Variants in PPM1K observed in about 807,000 individuals in gnomAD.
The protein encoded by PPM1K is protein phosphatase Mn(2+)-dependent 1K.
PPM1K carries 19 observed loss-of-function variants against 32.6 expected under a neutral mutation model. The observed-to-expected ratio is 0.58, with a 90% CI of 0.41 to 0.86. PPM1K has a LOEUF of 0.86. PPM1K is among the 40% of genes least tolerant of loss of function. The probability of loss-of-function intolerance (pLI) is 0.00; values close to 1 mark genes in which losing one functional copy is unlikely to be tolerated. For missense variants in PPM1K, 362 were observed against 461.2 expected (o/e 0.78, Z 1.97); for synonymous variants, 159 against 165.3 (o/e 0.96, Z 0.29).
chr4:88,278,665 C>T lies in PPM1K; in HGVS notation c.-59-23G>A, dbSNP rs1731892814. 4 of 1,146,848 alleles carry T rather than the reference C, an allele frequency of 3.5e-6. No homozygotes were observed. Among genetic ancestry groups the T allele is most frequent in the Non-Finnish European group, 4.9e-6 (4 of 809,462 alleles). The allele number at this position is 1,146,848 out of a possible 1,614,324, so 71.0% of individuals were successfully genotyped here. On this transcript the variant is annotated intron_variant, in intron 1 of 6. Coordinates refer to ENST00000608933, the MANE Select transcript of PPM1K (RefSeq NM_152542.5). The surrounding 1 kb of genome is among the most constrained non-coding windows in gnomAD (Gnocchi z 4.2). Reference sequence around the variant, plus strand: ...TGTCTTCAAGAAAAATGATGCAAGTCACAGGGGACAGAGGGAGAGAGGGGC... The same window carrying T: ...TGTCTTCAAGAAAAATGATGCAAGTTACAGGGGACAGAGGGAGAGAGGGGC...
rs1445984979 is a variant in PPM1K, at chr4:88,259,619, A to G, written c.*2976T>C. ...TTTGCATATTTTCCAGTATCCTAAT[A>G]CATGCATACTTATCTTTTATAGATT... is the stretch of plus-strand genomic sequence containing the variant. On this transcript the variant is annotated 3_prime_UTR_variant, in exon 7 of 7. Transcript: ENST00000608933. The G allele has an allele frequency of 6.6e-6, 1 of 152,182 alleles. No homozygotes were observed. The highest frequency in any genetic ancestry group is 1.9e-4 in the East Asian group (1 of 5,204). The allele number at this position is 152,182 out of a possible 1,614,324, so 9.4% of individuals were successfully genotyped here. A position where few individuals can be genotyped will look rare whatever the true frequency, so the allele number is the denominator to read the frequency against.
At chr4:88,282,003 A>G (rs1368805617) in intron 1 of PPM1K, among the ~76,000 whole-genome samples, 1 of 150,040 alleles carries the variant, frequency 6.7e-6, no homozygotes, top group Non-Finnish European at 1.5e-5. Flanking sequence ...TCTCTAAACA[A>G]AAAGAGTGGA....
In PPM1K at chr4:88,268,789, A is replaced by G; in HGVS notation, c.659T>C (p.Met220Thr). 2 of 1,614,044 alleles carry G rather than the reference A, an allele frequency of 1.2e-6. No homozygotes were observed. Among genetic ancestry groups the G allele is most frequent in the Non-Finnish European group, 8.5e-7 (1 of 1,179,934 alleles). Residue 220 changes from methionine (M) to threonine (T), a missense_variant, in exon 4 of 7, where the codon ATG becomes ACG. Coordinates refer to ENST00000608933, the MANE Select transcript of PPM1K (RefSeq NM_152542.5). ...TGGAGTATGGTCAATGGTCAGCTTC[A>G]TGGGTTTTCCTTTTCTACACAAAAT... is the stretch of plus-strand genomic sequence containing the variant. ...RAILCRKGKP[M>T]KLTIDHTPER...
In PPM1K at chr4:88,268,418, C is replaced by A. The variant is rs146035038; in HGVS notation, c.708-84G>T. 248 of 1,466,826 alleles carry A rather than the reference C, an allele frequency of 1.7e-4. 1 individual carries two copies. The highest frequency in any genetic ancestry group is 2.3e-4 in the Non-Finnish European group (247 of 1,053,338). The allele number at this position is 1,466,826 out of a possible 1,614,324, so 90.9% of individuals were successfully genotyped here. A position where few individuals can be genotyped will look rare whatever the true frequency, so the allele number is the denominator to read the frequency against. ...AGGGCAGATCACGAGGTCAGGAGAT[C>A]GAGACCATCCTGGCTAACACGGTGA... On this transcript the variant is annotated intron_variant, in intron 4 of 6. Coordinates refer to ENST00000608933, the MANE Select transcript of PPM1K (RefSeq NM_152542.5).
At chr4:88,281,578 C>T (rs17013974) in intron 1 of PPM1K, among the ~76,000 whole-genome samples, 13,976 of 152,164 alleles carry the variant, frequency 0.092, 1,034 homozygotes, top group African/African-American at 0.21. Context: ...TCATAGGAAA[C>T]CACCTACTTT....
intron 3 of PPM1K, chr4:88,276,269 G>T: frequency 1.0e-6 from 1 of 985,286 alleles, no homozygotes; most frequent in East Asian, 1.1e-4. Flanking sequence ...GGTGCACTTG[G>T]TTTCTTTCTT....
chr4:88,258,555 G>A lies in PPM1K; in HGVS notation c.*4040C>T, dbSNP rs1033010945. ...AGGCAGGAGAATCGCTTAAACCCAG[G>A]AGGCAGAGGTTGCAGTGAGCCAAGA... On this transcript the variant is annotated 3_prime_UTR_variant, in exon 7 of 7. Transcript: ENST00000608933. The A allele has an allele frequency of 2.6e-5, 4 of 151,926 alleles. No individual in the cohort carries two copies. The highest frequency in any genetic ancestry group is 9.7e-5 in the African/African-American group (4 of 41,314). 9.4% of individuals were successfully genotyped at this position (151,926 alleles called of 1,614,324 possible).
At chr4:88,266,791 G>A (rs1299221334) in intron 5 of PPM1K, among the ~76,000 whole-genome samples, 23 of 150,152 alleles carry the variant, frequency 1.5e-4, no homozygotes, top group Admixed American at 1.5e-3. Flanking sequence ...TGCAGGTGAT[G>A]CTGGATGACT....
At chr4:88,265,974 T>C (rs372393868) in intron 5 of PPM1K, among the ~76,000 whole-genome samples, 6 of 152,182 alleles carry the variant, frequency 3.9e-5, no homozygotes, top group South Asian at 2.1e-4. Context: ...CAGAGGTGCA[T>C]TGACCTCTGT....
Position 88,278,515 on chromosome 4 carries a change from T to G in PPM1K, c.69A>C (p.Leu23=), listed in dbSNP as rs765740440. ...TGTCGTCCTGCAGCAGGCGGGAGCT[T>G]AGCAGCACTCTCCTTCTCACCTGGT... The part of the protein sequence containing the change: ...GGNQVRRRVL[L]SSRLLQDDRR... Residue 23 remains leucine, a synonymous_variant, in exon 2 of 7, where the codon CTA becomes CTC. Coordinates refer to ENST00000608933, the MANE Select transcript of PPM1K (RefSeq NM_152542.5). This position sits in a 1 kb window ranked among gnomAD's most constrained non-coding sequence, Gnocchi z 4.2. The G allele has an allele frequency of 6.2e-7, 1 of 1,614,102 alleles. No individual in the cohort carries two copies. Among genetic ancestry groups the G allele is most frequent in the Non-Finnish European group, 8.5e-7 (1 of 1,180,026 alleles).
chr4:88,275,178 A>G (rs1463320745), intron 3 of PPM1K: 3 of 567,806 alleles, frequency 5.3e-6, no homozygotes, highest in Non-Finnish European at 6.7e-6. Context: ...TTTCTTTATT[A>G]CAAATGAATT....
rs113436519 is a variant in PPM1K at position 88,277,203 on chromosome 4, T to C, written c.481A>G (p.Thr161Ala). ...PKEKNLETLL[T>A]LAFLEIDKAF... Reference sequence around the variant, plus strand: ...TTATCTATTTCTAGAAAAGCCAAGGTCAACAGAGTTTCCAAGTTCTTCTCC... The same window carrying C: ...TTATCTATTTCTAGAAAAGCCAAGGCCAACAGAGTTTCCAAGTTCTTCTCC... The change falls in exon 3 of 7, where the codon ACC (threonine) becomes GCC (alanine). Residue 161 changes from threonine (T) to alanine (A), a missense_variant. Transcript: ENST00000608933. 5.7e-4 allele frequency: 913 copies of C among 1,613,942 alleles called. 2 individuals are homozygous for C. The African/African-American group carries it at 0.011, about 19-fold the overall frequency.
At chr4:88,269,173 T>C (rs76888829) in intron 3 of PPM1K, among the ~76,000 whole-genome samples, 2,738 of 152,334 alleles carry the variant, frequency 0.018, 35 homozygotes, top group East Asian at 0.032. Context: ...TATCTACAAA[T>C]GGCCTCTATT....
At chr4:88,270,088 T>C (rs1166101596) in intron 3 of PPM1K, among the ~76,000 whole-genome samples, 1 of 152,234 alleles carries the variant, frequency 6.6e-6, no homozygotes, top group Non-Finnish European at 1.5e-5. Context: ...TAAAGGTACA[T>C]TTAGGAAAAA....
rs1006415559 is a variant in PPM1K at position 88,259,554 on chromosome 4, T to C, written c.*3041A>G. The C allele has an allele frequency of 6.6e-6, 1 of 152,260 alleles. No homozygotes were observed. The highest frequency in any genetic ancestry group is 3.4e-3 in the Middle Eastern group (1 of 292). The allele number at this position is 152,260 out of a possible 1,614,324, so 9.4% of individuals were successfully genotyped here. A position where few individuals can be genotyped will look rare whatever the true frequency, so the allele number is the denominator to read the frequency against. On this transcript the variant is annotated 3_prime_UTR_variant, in exon 7 of 7. Transcript: ENST00000608933. The stretch of plus-strand genomic sequence containing the variant: ...TATACCCACATGGCAAATTCAGTTA[T>C]AACTGAAAAACTAGAGCAGTCCCTT...
Position 88,278,626 on chromosome 4 carries a change from G to C in PPM1K, c.-43C>G, listed in dbSNP as rs749205490. ...CTCAGTGATGAGGGAAAGGTCAATG[G>C]AACAATAATGGAATGTCTTCAAGAA... is the stretch of plus-strand genomic sequence containing the variant. On this transcript the variant is annotated 5_prime_UTR_variant, in exon 2 of 7. Transcript: ENST00000608933. This position sits in a 1 kb window ranked among gnomAD's most constrained non-coding sequence, Gnocchi z 4.2. The C allele has an allele frequency of 2.3e-5, 34 of 1,474,674 alleles. No individual in the cohort carries two copies. The East Asian group carries it at 7.7e-4, about 34-fold the overall frequency. The allele number at this position is 1,474,674 out of a possible 1,614,324, so 91.3% of individuals were successfully genotyped here. A position where few individuals can be genotyped will look rare whatever the true frequency, so the allele number is the denominator to read the frequency against.
At chr4:88,282,982 G>C (rs1012271944) in intron 1 of PPM1K, among the ~76,000 whole-genome samples, 4 of 152,170 alleles carry the variant, frequency 2.6e-5, no homozygotes, top group Admixed American at 6.5e-5. Context: ...GACTAAGGTT[G>C]CAAGAAAAAA....
chr4:88,278,509 G>A lies in PPM1K; in HGVS notation c.75C>T (p.Ser25=). 6.2e-7 allele frequency: 1 copy of A among 1,614,100 alleles called. No individual in the cohort carries two copies. Among genetic ancestry groups the A allele is most frequent in the Non-Finnish European group, 8.5e-7 (1 of 1,180,018 alleles). The change falls in exon 2 of 7, where the codon TCC becomes TCT. Residue 25 remains serine (S), a synonymous_variant. Coordinates refer to ENST00000608933, the MANE Select transcript of PPM1K (RefSeq NM_152542.5). The surrounding 1 kb of genome is among the most constrained non-coding windows in gnomAD (Gnocchi z 4.2). ...NQVRRRVLLS[S]RLLQDDRRVT... ...CCCGCCTGTCGTCCTGCAGCAGGCG[G>A]GAGCTTAGCAGCACTCTCCTTCTCA...
chr4:88,266,077 T>C (rs967619193), intron 5 of PPM1K, among the ~76,000 whole-genome samples: 1 of 152,216 alleles, frequency 6.6e-6, no homozygotes, highest in Non-Finnish European at 1.5e-5. Context: ...ATCTGTTAGA[T>C]AAAATGAAGT....
Sources: allele counts gnomAD v4.1 joint callset (sites outside exome capture counted in the v4.1 genomes callset), GRCh38; gene constraint gnomAD v4.1.1; non-coding constraint Gnocchi (gnomAD v3.1); transcripts MANE v1.5; gene names NCBI Gene and HGNC (gene_info 2026-07-23, HGNC 2026-07-21).